The following KIF16B variants were observed in gnomAD, a reference collection of about 807,000 sequenced individuals.
KIF16B encodes kinesin family member 16B.
A neutral mutation model predicts 156.3 loss-of-function variants in KIF16B; 98 were observed. The observed-to-expected ratio is 0.63, with a 90% CI of 0.53 to 0.74. The LOEUF (loss-of-function observed/expected upper bound fraction) is 0.74, where lower values mean the gene tolerates loss of function less well. Ranked by LOEUF, KIF16B falls within the 30% of genes least tolerant of loss-of-function variation. The probability of loss-of-function intolerance (pLI) is 0.00; values close to 1 mark genes in which losing one functional copy is unlikely to be tolerated. For missense variants in KIF16B, 1,421 were observed against 1,606.5 expected, an observed-to-expected ratio of 0.88 and a Z score of 1.97; for synonymous variants, 564 against 583.7, an observed-to-expected ratio of 0.97 and a Z score of 0.49.
At chr20:16,374,962 T>C (rs1238648185) in intron 19 of KIF16B, among the ~76,000 whole-genome samples, 1 of 152,194 alleles carries the variant, frequency 6.6e-6, no homozygotes, top group East Asian at 1.9e-4. Flanking sequence ...GGCAAGGGCA[T>C]GAAAACCAGG....
chr20:16,417,304 T>C (rs568623031), intron 15 of KIF16B, among the ~76,000 whole-genome samples: 6 of 152,250 alleles, frequency 3.9e-5, no homozygotes, highest in Admixed American at 3.9e-4. Flanking sequence ...GGTCCCAGCC[T>C]GGCCAACGGG....
intron 11 of KIF16B, among the ~76,000 whole-genome samples, chr20:16,494,960 G>A (rs780353995): frequency 3.3e-5 from 5 of 152,164 alleles, no homozygotes; most frequent in East Asian, 1.9e-4. Context: ...GAGTAAACAC[G>A]CTCAACCGCT....
chr20:16,282,805 C>T (rs7352474), intron 25 of KIF16B, among the ~76,000 whole-genome samples: 21,455 of 152,106 alleles, frequency 0.14, 1,620 homozygotes, highest in Non-Finnish European at 0.15. Context: ...TGGCACTGTG[C>T]GCTGGTGGTG....
intron 12 of KIF16B, among the ~76,000 whole-genome samples, chr20:16,468,425 A>G (rs2067557470): frequency 1.3e-5 from 2 of 151,864 alleles, no homozygotes; most frequent in Admixed American, 1.3e-4. Flanking sequence ...TACACAAAAA[A>G]ATTAGCCGGG....
Position 16,421,788 on chromosome 20 carries a change from T to G in KIF16B, c.1612+5316A>C, listed in dbSNP as rs2066232753. Among the ~76,000 whole-genome samples the G allele has an allele frequency of 2.6e-5, 4 of 152,192 alleles. No individual in the cohort carries two copies. The South Asian group carries it at 8.3e-4, about 31-fold the overall frequency. On this transcript the variant is annotated intron_variant, in intron 15 of 25. Transcript: ENST00000354981. Reference sequence around the variant, plus strand: ...AACACCTTCAAACATAGTATTTTTATGTTAATTTCATTAACAGTGATACTG... The same window carrying G: ...AACACCTTCAAACATAGTATTTTTAGGTTAATTTCATTAACAGTGATACTG...
intron 12 of KIF16B, among the ~76,000 whole-genome samples, chr20:16,487,786 C>G (rs533433803): frequency 6.6e-6 from 1 of 152,168 alleles, no homozygotes; most frequent in Non-Finnish European, 1.5e-5. Context: ...CCTACTCCCC[C>G]AGAGAAGGAA....
chr20:16,553,165 C>T (rs1244301955), intron 1 of KIF16B, among the ~76,000 whole-genome samples: 2 of 152,176 alleles, frequency 1.3e-5, no homozygotes, highest in African/African-American at 2.4e-5. Flanking sequence ...AGCTCACAGT[C>T]ATACTCCAGA....
At chr20:16,516,334 A>G (rs756215533) in intron 3 of KIF16B, among the ~76,000 whole-genome samples, 3 of 152,196 alleles carry the variant, frequency 2.0e-5, no homozygotes, top group Non-Finnish European at 4.4e-5. Context: ...GATGTTCCAT[A>G]TAATTACAGT....
intron 25 of KIF16B, among the ~76,000 whole-genome samples, chr20:16,305,817 A>G (rs1031823559): frequency 6.6e-6 from 1 of 152,076 alleles, no homozygotes; most frequent in Non-Finnish European, 1.5e-5. Flanking sequence ...TAACATAATG[A>G]CCTCCAGTTC....
At chr20:16,273,669 A>G (rs1235743611) in intron 25 of KIF16B, among the ~76,000 whole-genome samples, 2 of 140,832 alleles carry the variant, frequency 1.4e-5, no homozygotes, top group Non-Finnish European at 3.2e-5. Flanking sequence ...GTCTCAATCA[A>G]TCAATCAATC....
At chr20:16,478,671 T>G (rs151135694) in intron 12 of KIF16B, among the ~76,000 whole-genome samples, 1 of 152,192 alleles carries the variant, frequency 6.6e-6, no homozygotes, top group Non-Finnish European at 1.5e-5. Context: ...GGTGTACCAT[T>G]TGTATTCAAG....
At chr20:16,526,567 T>C (rs12479497) in intron 2 of KIF16B, among the ~76,000 whole-genome samples, 17,554 of 152,194 alleles carry the variant, frequency 0.12, 1,319 homozygotes, top group Non-Finnish European at 0.17. Flanking sequence ...CATGATAAGA[T>C]TGGCACCTTC....
At chr20:16,322,320 G>A (rs1007933094) in intron 24 of KIF16B, among the ~76,000 whole-genome samples, 8 of 151,904 alleles carry the variant, frequency 5.3e-5, no homozygotes, top group South Asian at 2.1e-4. Context: ...CAAGTAATTA[G>A]CTTTATTTTG....
Position 16,356,346 on chromosome 20 carries a change from A to C in KIF16B, c.3605T>G (p.Phe1202Cys). Residue 1202 changes from phenylalanine (F) to cysteine (C), a missense_variant, in exon 23 of 26, where the codon TTC becomes TGC. Phe to Cys is a radical substitution (Grantham distance 205). Coordinates refer to ENST00000354981, the MANE Select transcript of KIF16B (RefSeq NM_024704.5). ...VLCGQGKDAH[F>C]EFEVKITVLD... Reference sequence around the variant, plus strand: ...GACACTCACCTTGACCTCAAACTCGAAGTGTGCATCCTTTCCTTGCCCGCA... The same window carrying C: ...GACACTCACCTTGACCTCAAACTCGCAGTGTGCATCCTTTCCTTGCCCGCA... 6.2e-7 allele frequency: 1 copy of C among 1,614,154 alleles called. No individual in the cohort carries two copies. Among genetic ancestry groups the C allele is most frequent in the Non-Finnish European group, 8.5e-7 (1 of 1,179,984 alleles).
At chr20:16,457,123 TAAAC>T (rs1206965170) in intron 12 of KIF16B, among the ~76,000 whole-genome samples, 1 of 151,922 alleles carries the variant, frequency 6.6e-6, no homozygotes, top group Non-Finnish European at 1.5e-5. Flanking sequence ...TTTATTTTGA[TAAAC>T]AAACAACACT....
chr20:16,393,661 C>T (rs940914826), intron 17 of KIF16B, among the ~76,000 whole-genome samples: 5 of 152,208 alleles, frequency 3.3e-5, no homozygotes, highest in African/African-American at 9.6e-5. Flanking sequence ...CCACTTACCA[C>T]TAAATACAGA....
rs568118976 is a variant in KIF16B, at chr20:16,410,321, A to G, written c.1613-3865T>C. 6.2e-4 allele frequency among the ~76,000 whole-genome samples: 87 copies of G among 139,234 alleles called. 1 individual carries two copies. Among genetic ancestry groups the G allele is most frequent in the Admixed American group, 1.2e-3 (17 of 13,930 alleles). The allele number at this position is 139,234 out of a possible 152,430, so 91.3% of individuals were successfully genotyped here. A position where few individuals can be genotyped will look rare whatever the true frequency, so the allele number is the denominator to read the frequency against. On this transcript the variant is annotated intron_variant, in intron 15 of 25. Coordinates refer to ENST00000354981, the MANE Select transcript of KIF16B (RefSeq NM_024704.5). ...TATATGTGTGTGTGTGTGTGTGTGT[A>G]TATGTGTGTGTGTATGTGTGTGTAT... is the stretch of plus-strand genomic sequence containing the variant.
chr20:16,509,984 C>T (rs2068906411), intron 6 of KIF16B, among the ~76,000 whole-genome samples: 1 of 152,180 alleles, frequency 6.6e-6, no homozygotes, highest in African/African-American at 2.4e-5. Flanking sequence ...CTTAAATCTT[C>T]AATCTAGTTA....
At chr20:16,334,957 C>T (rs981576867) in intron 24 of KIF16B, among the ~76,000 whole-genome samples, 2 of 152,158 alleles carry the variant, frequency 1.3e-5, no homozygotes, top group Non-Finnish European at 1.5e-5. Context: ...CAAGATTCTT[C>T]TATACACCAG....
Sources: gnomAD v4.1 joint callset for allele counts (sites outside exome capture counted in the v4.1 genomes callset) on GRCh38, gnomAD v4.1.1 for gene constraint, MANE v1.5 for transcripts, NCBI Gene and HGNC (gene_info 2026-07-23, HGNC 2026-07-21) for gene names.